Variants in PGPEP1 observed in about 807,000 individuals in gnomAD.
PGPEP1 encodes pyroglutamyl-peptidase I.
Under a neutral mutation model 24.1 loss-of-function variants are expected in PGPEP1, and 15 were observed. That is an observed-to-expected ratio of 0.62 (90% confidence interval 0.42 to 0.96). PGPEP1 has a LOEUF of 0.96. PGPEP1 is among the 40% of genes least tolerant of loss of function. The probability of loss-of-function intolerance (pLI) is 0.00; values close to 1 mark genes in which losing one functional copy is unlikely to be tolerated. For missense variants in PGPEP1, 242 were observed against 273.4 expected (o/e 0.89, Z 0.81); for synonymous variants, 122 against 116.4 (o/e 1.05, Z -0.31).
intron 2 of PGPEP1, among the ~76,000 whole-genome samples, chr19:18,351,350 C>A (rs534743049): frequency 9.8e-4 from 149 of 152,064 alleles, no homozygotes; most frequent in African/African-American, 3.5e-3. Context: ...TCAGGCCAGG[C>A]ATGATGGCTC....
intron 2 of PGPEP1, among the ~76,000 whole-genome samples, chr19:18,349,357 C>T (rs149731404): frequency 0.023 from 3,465 of 151,822 alleles, 312 homozygotes; most frequent in East Asian, 0.19. Context: ...GACAGGGTTT[C>T]GCCATGTTGG....
intron 1 of PGPEP1, among the ~76,000 whole-genome samples, chr19:18,341,685 A>C (rs1393589231): frequency 6.6e-6 from 1 of 152,100 alleles, no homozygotes; most frequent in East Asian, 1.9e-4. Context: ...CACTTTTTGC[A>C]TGAGCTGATT....
At chr19:18,357,028 A>C (rs1971203572) in intron 3 of PGPEP1, among the ~76,000 whole-genome samples, 1 of 152,202 alleles carries the variant, frequency 6.6e-6, no homozygotes. Context: ...ACAGAGCAAG[A>C]CTCCATCTCA....
At chr19:18,361,901 G>A (rs571624749) in intron 4 of PGPEP1, 1 of 984,624 alleles carries the variant, frequency 1.0e-6, no homozygotes, top group South Asian at 4.7e-5. Context: ...CATCTGGCGA[G>A]TTCTCCATTT....
chr19:18,357,368 CCT>C lies in PGPEP1; in HGVS notation c.205-14_205-13del. On this transcript the variant is annotated splice_polypyrimidine_tract_variant and intron_variant, in intron 3 of 4. Transcript: ENST00000269919. The stretch of plus-strand genomic sequence containing the variant: ...CGGGCAGGCCATGTTAAGTCCTGCC[CCT>C]GTCTGTGTGCAGCTGGTGGTGCATG... The C allele has an allele frequency of 6.2e-7, 1 of 1,606,980 alleles. No homozygotes were observed. The highest frequency in any genetic ancestry group is 8.5e-7 in the Non-Finnish European group (1 of 1,174,768).
In PGPEP1 at chr19:18,363,395, C is replaced by T; in HGVS notation, c.442C>T (p.Leu148Phe). ...CCGCCACGCCCTGCGGCTTAGATAT[C>T]TCTGCGACTTTACCTACTACACCTC... ...VTISQDAGRY[L>F]CDFTYYTSLY... The change falls in exon 5 of 5, where the codon CTC becomes TTC. Residue 148 changes from leucine (L) to phenylalanine (F), a missense_variant. Physicochemically the swap from Leu to Phe is conservative, Grantham distance 22 (BLOSUM62 0). Transcript: ENST00000269919. 1 of 1,607,028 alleles carries T rather than the reference C, an allele frequency of 6.2e-7. No individual in the cohort carries two copies.
In PGPEP1 at chr19:18,347,274, T is replaced by C. The variant is rs1041926825; in HGVS notation, c.87+4363T>C. On this transcript the variant is annotated intron_variant, in intron 2 of 4. Transcript: ENST00000269919. Reference sequence around the variant, plus strand: ...TTTTTTTTTCTTTCTTTCTTTCTTTTTTTTTTTTTTTTTTGTAGAGATGGG... The same window carrying C: ...TTTTTTTTTCTTTCTTTCTTTCTTTCTTTTTTTTTTTTTTGTAGAGATGGG... Among the ~76,000 whole-genome samples the C allele has an allele frequency of 3.8e-5, 5 of 132,642 alleles. No homozygotes were observed. In the East Asian group the frequency reaches 8.7e-4, roughly 23 times the overall value. The allele number at this position is 132,642 out of a possible 152,430, so 87.0% of individuals were successfully genotyped here. A position where few individuals can be genotyped will look rare whatever the true frequency, so the allele number is the denominator to read the frequency against.
chr19:18,357,620 G>T lies in PGPEP1; in HGVS notation c.437+5G>T, dbSNP rs1227339176. 5 of 1,586,982 alleles carry T rather than the reference G, an allele frequency of 3.2e-6. No homozygotes were observed. Among genetic ancestry groups the T allele is most frequent in the Non-Finnish European group, 4.3e-6 (5 of 1,164,680 alleles). On this transcript the variant is annotated splice_donor_5th_base_variant and intron_variant, in intron 4 of 4. Coordinates refer to ENST00000269919, the MANE Select transcript of PGPEP1 (RefSeq NM_017712.4). ...CATCTCGCAGGATGCCGGCAGGTAG[G>T]GCCCTGTGGGGTGGGAGTGAGTGGG...
intron 3 of PGPEP1, among the ~76,000 whole-genome samples, 170 bp downstream of exon 3, chr19:18,356,181 C>G (rs1600215582): frequency 6.6e-6 from 1 of 152,164 alleles, no homozygotes; most frequent in African/African-American, 2.4e-5. Context: ...GCCTGTAATC[C>G]CAGCACGTTG....
chr19:18,353,591 C>T (rs1971099202), intron 2 of PGPEP1, among the ~76,000 whole-genome samples: 1 of 152,120 alleles, frequency 6.6e-6, no homozygotes, highest in African/African-American at 2.4e-5. Flanking sequence ...TATCTAGTTC[C>T]AGAACATTCC....
At chr19:18,348,761 T>A (rs1970934026) in intron 2 of PGPEP1, among the ~76,000 whole-genome samples, 1 of 151,628 alleles carries the variant, frequency 6.6e-6, no homozygotes, top group African/African-American at 2.4e-5. Flanking sequence ...GGTGAGAAAC[T>A]TTTTTTTTGT....
chr19:18,352,330 A>G (rs796372942), intron 2 of PGPEP1, among the ~76,000 whole-genome samples: 123 of 149,920 alleles, frequency 8.2e-4, no homozygotes, highest in African/African-American at 3.0e-3. Flanking sequence ...CTGTAATCCC[A>G]GTACTCGGGA....
chr19:18,358,973 T>C (rs1369911250), intron 4 of PGPEP1, among the ~76,000 whole-genome samples: 1 of 152,110 alleles, frequency 6.6e-6, no homozygotes, highest in Non-Finnish European at 1.5e-5. Flanking sequence ...GAGATGATTC[T>C]ATTGCAAAAG....
chr19:18,357,346 G>T (rs780039809), intron 3 of PGPEP1, 37 bp from the exon 4 acceptor site: 1 of 1,536,926 alleles, frequency 6.5e-7, no homozygotes, highest in South Asian at 1.1e-5. Context: ...AGTCCCACGG[G>T]CAGGCCATGT....
intron 2 of PGPEP1, chr19:18,349,132 A>G (rs979896728): frequency 2.0e-6 from 2 of 975,726 alleles, no homozygotes; most frequent in Admixed American, 1.2e-4. Flanking sequence ...GGGTATGTGT[A>G]TATGCTGACA....
intron 2 of PGPEP1, among the ~76,000 whole-genome samples, chr19:18,344,058 CAA>C (rs1466097920): frequency 1.3e-5 from 2 of 151,954 alleles, no homozygotes; most frequent in Non-Finnish European, 2.9e-5. Context: ...TCTGAACAGC[CAA>C]AGTGAGAATT....
At chr19:18,344,708 G>C (rs914422236) in intron 2 of PGPEP1, among the ~76,000 whole-genome samples, 1 of 151,968 alleles carries the variant, frequency 6.6e-6, no homozygotes, top group Non-Finnish European at 1.5e-5. Flanking sequence ...CGGAGAGCCA[G>C]ACAAAAAGAA....
At chr19:18,356,993 G>C (rs140648324) in intron 3 of PGPEP1, among the ~76,000 whole-genome samples, 1 of 145,618 alleles carries the variant, frequency 6.9e-6, no homozygotes, top group African/African-American at 2.6e-5. Flanking sequence ...AGCTGAGATC[G>C]CGCCACTGCA....
At chr19:18,359,508 CT>C (rs34626308) in intron 4 of PGPEP1, among the ~76,000 whole-genome samples, 80,371 of 125,830 alleles carry the variant, frequency 0.64, 24,936 homozygotes, top group South Asian at 0.73. Context: ...TCTTTCCAGT[CT>C]TTTTTTTTTT....
Sources: allele counts gnomAD v4.1 joint callset (sites outside exome capture counted in the v4.1 genomes callset), GRCh38; gene constraint gnomAD v4.1.1; transcripts MANE v1.5; gene names NCBI Gene and HGNC (gene_info 2026-07-23, HGNC 2026-07-21).